The following LSAMP variants were observed in gnomAD, a reference collection of about 807,000 sequenced individuals.
LSAMP encodes limbic system associated membrane protein.
In LSAMP, 7 loss-of-function variants were observed where a neutral mutation model predicts 38.6. The observed-to-expected ratio is 0.18, with a 90% CI of 0.10 to 0.34. The LOEUF is 0.34. Among genes scored for constraint, LSAMP ranks in the 10% least tolerant of loss-of-function variants. The pLI is 1.00. For synonymous variants in LSAMP, 154 were observed against 166.8 expected (o/e 0.92, Z 0.59); for missense variants, 313 against 420.0 (o/e 0.75, Z 2.23).
chr3:116,332,643 C>A (rs2047866004), intron 1 of LSAMP, among the ~76,000 whole-genome samples: 1 of 152,080 alleles, frequency 6.6e-6, no homozygotes, highest in Admixed American at 6.6e-5. Flanking sequence ...CTGTTCCTAT[C>A]TGTAATTACT....
intron 1 of LSAMP, among the ~76,000 whole-genome samples, chr3:116,340,130 T>C (rs1240462681): frequency 6.6e-6 from 1 of 152,048 alleles, no homozygotes; most frequent in Admixed American, 6.6e-5. Flanking sequence ...ATCATTCTGT[T>C]AAAACGTGTG....
intron 3 of LSAMP, among the ~76,000 whole-genome samples, chr3:115,955,854 G>A (rs1413839828): frequency 6.6e-6 from 1 of 152,146 alleles, no homozygotes; most frequent in Admixed American, 6.5e-5. Flanking sequence ...TCCTGAGAAG[G>A]TCATTGGTAT....
At chr3:116,134,010 A>G (rs1425321323) in intron 1 of LSAMP, among the ~76,000 whole-genome samples, 1 of 152,180 alleles carries the variant, frequency 6.6e-6, no homozygotes, top group East Asian at 1.9e-4. Context: ...AGAAGCTGGG[A>G]AGGAGGAATA....
chr3:116,219,357 G>A (rs2046256020), intron 1 of LSAMP, among the ~76,000 whole-genome samples: 1 of 152,120 alleles, frequency 6.6e-6, no homozygotes, highest in Admixed American at 6.5e-5. Flanking sequence ...ATCTGTTAAT[G>A]GACATTTAGT....
At chr3:115,839,498 C>T (rs902126803) in intron 6 of LSAMP, among the ~76,000 whole-genome samples, 7 of 152,000 alleles carry the variant, frequency 4.6e-5, no homozygotes, top group Admixed American at 4.6e-4. Flanking sequence ...AGAGCTTCTC[C>T]CCCAAAATGT....
intron 3 of LSAMP, among the ~76,000 whole-genome samples, chr3:115,863,865 G>A (rs1054733734): frequency 3.7e-4 from 56 of 151,978 alleles, no homozygotes; most frequent in African/African-American, 1.3e-3. Context: ...AAATCTCTAC[G>A]ATTTTTCTAT....
At chr3:116,253,423 A>G (rs2046710958) in intron 1 of LSAMP, among the ~76,000 whole-genome samples, 1 of 152,234 alleles carries the variant, frequency 6.6e-6, no homozygotes, top group African/African-American at 2.4e-5. Flanking sequence ...CTAGAACATT[A>G]CATATAGGTG....
chr3:116,040,823 C>T (rs1192537675), intron 2 of LSAMP, among the ~76,000 whole-genome samples: 1 of 152,196 alleles, frequency 6.6e-6, no homozygotes, highest in African/African-American at 2.4e-5. Context: ...ATGCCTGCTG[C>T]AGCCTCAAAT....
intron 1 of LSAMP, among the ~76,000 whole-genome samples, chr3:116,192,529 A>G (rs1481644110): frequency 3.3e-5 from 5 of 152,048 alleles, no homozygotes; most frequent in African/African-American, 1.2e-4. Context: ...AGTCTCACTC[A>G]TTTTCCCTGT....
chr3:115,842,054 T>C (rs1218650650), intron 5 of LSAMP, 61 bp from the exon 6 acceptor site: 7 of 1,518,118 alleles, frequency 4.6e-6, no homozygotes, highest in African/African-American at 1.4e-5. Flanking sequence ...GCTTAGGAAT[T>C]CTTTCCCCAT....
intron 1 of LSAMP, among the ~76,000 whole-genome samples, chr3:116,260,088 C>G (rs1230779094): frequency 6.6e-6 from 1 of 152,122 alleles, no homozygotes; most frequent in African/African-American, 2.4e-5. Context: ...ACATATAGGG[C>G]TAAATCTTTC....
intron 1 of LSAMP, among the ~76,000 whole-genome samples, chr3:116,342,109 C>T (rs1414000094): frequency 6.6e-6 from 1 of 151,936 alleles, no homozygotes; most frequent in Non-Finnish European, 1.5e-5. Flanking sequence ...AACATCCTGA[C>T]CTCAGCCATA....
intron 1 of LSAMP, among the ~76,000 whole-genome samples, chr3:116,127,067 G>A (rs1440347720): frequency 1.3e-5 from 2 of 152,262 alleles, no homozygotes; most frequent in South Asian, 2.1e-4. Flanking sequence ...ATTCTCTTAT[G>A]CCTGGATTGA....
chr3:115,923,891 A>G (rs1937439893), intron 3 of LSAMP, among the ~76,000 whole-genome samples: 1 of 152,172 alleles, frequency 6.6e-6, no homozygotes, highest in Non-Finnish European at 1.5e-5. Flanking sequence ...TTGTATTATA[A>G]TAGGTTTTTA....
intron 1 of LSAMP, among the ~76,000 whole-genome samples, chr3:116,302,321 T>C (rs887874588): frequency 6.6e-6 from 1 of 152,228 alleles, no homozygotes; most frequent in Non-Finnish European, 1.5e-5. Flanking sequence ...TGTCGCTCTG[T>C]AAATATGCTC....
chr3:115,977,851 C>A (rs1939236037), intron 3 of LSAMP, among the ~76,000 whole-genome samples: 1 of 151,638 alleles, frequency 6.6e-6, no homozygotes, highest in East Asian at 1.9e-4. Flanking sequence ...GAAGGCCAAA[C>A]TAAAAAAGAA....
intron 1 of LSAMP, among the ~76,000 whole-genome samples, chr3:116,224,404 C>T (rs2046320118): frequency 6.6e-6 from 1 of 152,176 alleles, no homozygotes; most frequent in Admixed American, 6.5e-5. Context: ...TGCATAGACT[C>T]ATCCTTGGTT....
intron 1 of LSAMP, among the ~76,000 whole-genome samples, chr3:116,130,530 G>T (rs1015028569): frequency 7.2e-5 from 11 of 152,118 alleles, no homozygotes; most frequent in East Asian, 5.8e-4. Context: ...AAAGGCTTCA[G>T]ATCTGCAATG....
chr3:116,411,273 T>G (rs1417891009), intron 1 of LSAMP, among the ~76,000 whole-genome samples: 1 of 152,112 alleles, frequency 6.6e-6, no homozygotes, highest in Non-Finnish European at 1.5e-5. Context: ...ATCCCATTAC[T>G]GGGTATATAC....
Sources: gnomAD v4.1 joint callset for allele counts (sites outside exome capture counted in the v4.1 genomes callset) on GRCh38, gnomAD v4.1.1 for gene constraint, MANE v1.5 for transcripts, NCBI Gene and HGNC (gene_info 2026-07-23, HGNC 2026-07-21) for gene names.